FGF7: variants seen among roughly 807,000 people sequenced by gnomAD.
The protein encoded by FGF7 is FGF-7.
FGF7 carries 6 observed loss-of-function variants against 20.5 expected under a neutral mutation model. The observed-to-expected ratio is 0.29, with a 90% CI of 0.16 to 0.58. The LOEUF (loss-of-function observed/expected upper bound fraction) is 0.58, where lower values mean the gene tolerates loss of function less well. Among genes scored for constraint, FGF7 ranks in the 20% least tolerant of loss-of-function variants. The pLI is 0.90. For missense variants in FGF7, 144 were observed against 228.8 expected (o/e 0.63, Z 2.39); for synonymous variants, 64 against 74.7 (o/e 0.86, Z 0.74).
At chr15:49,442,688 G>A (rs533604174) in intron 2 of FGF7, among the ~76,000 whole-genome samples, 1 of 151,746 alleles carries the variant, frequency 6.6e-6, no homozygotes, top group Non-Finnish European at 1.5e-5. Context: ...TAAAGCTGCA[G>A]GTAAAGGAAA....
rs1313626155 is a variant in FGF7, at chr15:49,486,565, A to C, written c.*2061A>C. 6.6e-6 allele frequency: 1 copy of C among 151,974 alleles called. No homozygotes were observed. The highest frequency in any genetic ancestry group is 1.5e-5 in the Non-Finnish European group (1 of 67,936). The allele number at this position is 151,974 out of a possible 1,614,324, so 9.4% of individuals were successfully genotyped here. On this transcript the variant is annotated 3_prime_UTR_variant, in exon 4 of 4. Transcript: ENST00000267843. ...ACACACTAAAACTAATCTTCATTTT[A>C]AAAGGGTAAAACATGACTATACAGA...
intron 2 of FGF7, among the ~76,000 whole-genome samples, chr15:49,438,081 T>C (rs1221954666): frequency 6.6e-6 from 1 of 151,538 alleles, no homozygotes; most frequent in Non-Finnish European, 1.5e-5. Flanking sequence ...AGTAGGTTTG[T>C]ATGGGAATTA....
At chr15:49,460,003 C>T (rs553982338) in intron 2 of FGF7, among the ~76,000 whole-genome samples, 7 of 152,248 alleles carry the variant, frequency 4.6e-5, no homozygotes, top group African/African-American at 1.7e-4. Context: ...GAAATTTCCA[C>T]AGCTATCACT....
chr15:49,457,244 G>A (rs1393174540), intron 2 of FGF7, among the ~76,000 whole-genome samples: 5 of 151,956 alleles, frequency 3.3e-5, no homozygotes, highest in South Asian at 2.1e-4. Flanking sequence ...AGAAGAGTTC[G>A]TTTAATACTA....
intron 2 of FGF7, among the ~76,000 whole-genome samples, chr15:49,459,368 C>G (rs1363121743): frequency 6.6e-6 from 1 of 152,162 alleles, no homozygotes; most frequent in Non-Finnish European, 1.5e-5. Context: ...ATCAGAACAC[C>G]TGTAATTAGT....
At chr15:49,446,005 G>A (rs1353885103) in intron 2 of FGF7, among the ~76,000 whole-genome samples, 2 of 151,188 alleles carry the variant, frequency 1.3e-5, no homozygotes, top group African/African-American at 2.4e-5. Context: ...TTTCCTTACT[G>A]GAATAGACAT....
chr15:49,432,412 TCTATA>T (rs2151793789), intron 2 of FGF7, among the ~76,000 whole-genome samples: 1 of 151,810 alleles, frequency 6.6e-6, no homozygotes, highest in Non-Finnish European at 1.5e-5. Flanking sequence ...TTTCTCTGAG[TCTATA>T]CTATACTAAT....
chr15:49,455,469 T>A (rs1409084006), intron 2 of FGF7, among the ~76,000 whole-genome samples: 1 of 152,160 alleles, frequency 6.6e-6, no homozygotes, highest in Non-Finnish European at 1.5e-5. Flanking sequence ...AGTAAGGCAA[T>A]GTTAAAAATA....
At chr15:49,425,391 T>C (rs2050035542) in intron 2 of FGF7, 1 of 152,004 alleles carries the variant, frequency 6.6e-6, no homozygotes, top group Non-Finnish European at 1.5e-5. Flanking sequence ...TTAATGGTTA[T>C]GATGAATAAC....
intron 2 of FGF7, among the ~76,000 whole-genome samples, chr15:49,426,962 G>A (rs893325197): frequency 4.6e-5 from 7 of 151,886 alleles, no homozygotes; most frequent in Admixed American, 3.3e-4. Context: ...TATTGGAGAA[G>A]GAGTCAGTAA....
At position 49,468,013 on chromosome 15, in the gene FGF7, G is replaced by A. The variant is rs1381581914; in HGVS notation, c.287-15138G>A. ...CTTCAAATTCTGATATAGTTCTAACGCTGCTGAAACAAGCTGCTGCAACTT... is the reference window on the plus strand; with the variant it reads ...CTTCAAATTCTGATATAGTTCTAACACTGCTGAAACAAGCTGCTGCAACTT... On this transcript the variant is annotated intron_variant, in intron 2 of 3. Transcript: ENST00000267843. 3.3e-5 allele frequency among the ~76,000 whole-genome samples: 5 copies of A among 152,046 alleles called. No individual in the cohort carries two copies. In the East Asian group the frequency reaches 7.7e-4, roughly 23 times the overall value.
At chr15:49,448,422 T>C (rs2052418236) in intron 2 of FGF7, among the ~76,000 whole-genome samples, 1 of 151,772 alleles carries the variant, frequency 6.6e-6, no homozygotes, top group South Asian at 2.1e-4. Context: ...CTGATGTGTA[T>C]ATTAATTGTT....
At chr15:49,444,589 C>G (rs577207217) in intron 2 of FGF7, among the ~76,000 whole-genome samples, 2 of 151,780 alleles carry the variant, frequency 1.3e-5, no homozygotes, top group East Asian at 3.9e-4. Flanking sequence ...TTATCTCAAG[C>G]TGAAATAACT....
At chr15:49,477,493 C>G (rs1458795935) in intron 2 of FGF7, among the ~76,000 whole-genome samples, 1 of 152,168 alleles carries the variant, frequency 6.6e-6, no homozygotes, top group Non-Finnish European at 1.5e-5. Flanking sequence ...TTCCCCTTGT[C>G]TTTTTGTGGC....
intron 2 of FGF7, among the ~76,000 whole-genome samples, chr15:49,450,430 T>C (rs1597274152): frequency 6.6e-6 from 1 of 152,104 alleles, no homozygotes; most frequent in Admixed American, 6.6e-5. Flanking sequence ...AAAACCATCC[T>C]GAATGCCATT....
chr15:49,426,113 C>T (rs2050110577), intron 2 of FGF7, among the ~76,000 whole-genome samples: 1 of 151,496 alleles, frequency 6.6e-6, no homozygotes, highest in African/African-American at 2.4e-5. Flanking sequence ...AAAATTATGA[C>T]ACATGGGGCA....
chr15:49,466,868 C>A (rs1567332621), intron 2 of FGF7, among the ~76,000 whole-genome samples: 1 of 151,998 alleles, frequency 6.6e-6, no homozygotes, highest in Non-Finnish European at 1.5e-5. Flanking sequence ...ACTTTCATTT[C>A]TGTGAAAAAA....
intron 2 of FGF7, among the ~76,000 whole-genome samples, chr15:49,432,979 A>AT (rs1470268633): frequency 2.0e-5 from 3 of 151,670 alleles, no homozygotes; most frequent in African/African-American, 7.3e-5. Context: ...CTTACTGTAT[A>AT]TATCTAAAAC....
chr15:49,429,887 C>A (rs1293647246), intron 2 of FGF7, among the ~76,000 whole-genome samples: 1 of 151,906 alleles, frequency 6.6e-6, no homozygotes, highest in African/African-American at 2.4e-5. Flanking sequence ...TGTTAAAGTT[C>A]TCCAATGATT....
Sources: allele counts gnomAD v4.1 joint callset (sites outside exome capture counted in the v4.1 genomes callset), GRCh38; gene constraint gnomAD v4.1.1; transcripts MANE v1.5; gene names NCBI Gene and HGNC (gene_info 2026-07-23, HGNC 2026-07-21).